SORBS2: variants seen among roughly 807,000 people sequenced by gnomAD.
SORBS2 encodes the protein sorbin and SH3 domain-containing protein 2.
In SORBS2, 46 loss-of-function variants were observed where a neutral mutation model predicts 97.7. That is an observed-to-expected ratio of 0.47 (90% CI 0.37 to 0.60). The LOEUF is 0.60. SORBS2 is among the 20% of genes least tolerant of loss of function. SORBS2 has a pLI of 0.00. For synonymous variants in SORBS2, 476 were observed against 473.4 expected, an observed-to-expected ratio of 1.01 and a Z score of -0.07; for missense variants, 1,316 against 1,282.3, an observed-to-expected ratio of 1.03 and a Z score of -0.40.
intron 1 of SORBS2, among the ~76,000 whole-genome samples, chr4:185,944,182 A>G (rs557851288): frequency 6.6e-6 from 1 of 152,306 alleles, no homozygotes; most frequent in African/African-American, 2.4e-5. Context: ...AAACGCTTAT[A>G]TAGCCAACTA....
chr4:185,939,886 G>A (rs1206986569), intron 1 of SORBS2, among the ~76,000 whole-genome samples: 2 of 152,094 alleles, frequency 1.3e-5, no homozygotes, highest in Non-Finnish European at 2.9e-5. Context: ...TGCCCCCAGT[G>A]AAACCATTCT....
At chr4:185,856,273 G>A (rs774033992) in intron 1 of SORBS2, among the ~76,000 whole-genome samples, 1 of 152,138 alleles carries the variant, frequency 6.6e-6, no homozygotes, top group Non-Finnish European at 1.5e-5. Flanking sequence ...ACAGCTCTAT[G>A]TGACCAGGGC....
chr4:185,842,866 C>T (rs576860987), intron 1 of SORBS2, among the ~76,000 whole-genome samples: 15 of 141,746 alleles, frequency 1.1e-4, no homozygotes, highest in Admixed American at 2.3e-4. Context: ...GCCCAGGAGG[C>T]GGAGGTTGCA....
intron 4 of SORBS2, among the ~76,000 whole-genome samples, chr4:185,668,666 A>G (rs960416562): frequency 1.3e-5 from 2 of 152,254 alleles, no homozygotes; most frequent in Non-Finnish European, 2.9e-5. Context: ...AAGGGGAAGA[A>G]GGCAGTATTT....
At chr4:185,846,943 AATG>A (rs1294093782) in intron 1 of SORBS2, among the ~76,000 whole-genome samples, 3 of 152,176 alleles carry the variant, frequency 2.0e-5, no homozygotes, top group Non-Finnish European at 4.4e-5. Flanking sequence ...GAAAGGAAAG[AATG>A]ATAACACCTT....
chr4:185,809,396 G>A (rs2099169639), intron 1 of SORBS2, among the ~76,000 whole-genome samples: 1 of 133,278 alleles, frequency 7.5e-6, no homozygotes. Context: ...GCGTATGAAA[G>A]CAGCTGTCCT....
intron 1 of SORBS2, among the ~76,000 whole-genome samples, chr4:185,822,069 A>T (rs145455005): frequency 1.2e-4 from 19 of 152,362 alleles, no homozygotes; most frequent in African/African-American, 4.6e-4. Flanking sequence ...GTTGGAAGAG[A>T]TGTTTCAAAT....
chr4:185,603,985 G>A (rs563474935), intron 12 of SORBS2, among the ~76,000 whole-genome samples: 8 of 152,234 alleles, frequency 5.3e-5, no homozygotes, highest in South Asian at 2.1e-4. Flanking sequence ...CCTGCCGATC[G>A]GTGGGAAATG....
chr4:185,627,234 C>T (rs1361587082), intron 5 of SORBS2, among the ~76,000 whole-genome samples: 2 of 152,146 alleles, frequency 1.3e-5, no homozygotes, highest in Non-Finnish European at 2.9e-5. Context: ...TTTGAGATGG[C>T]TTCTGGCTCT....
At chr4:185,868,238 C>T (rs1328780157) in intron 1 of SORBS2, among the ~76,000 whole-genome samples, 4 of 143,942 alleles carry the variant, frequency 2.8e-5, no homozygotes, top group Non-Finnish European at 6.0e-5. Flanking sequence ...CTCACTGCAA[C>T]TTCCGCCTCC....
intron 2 of SORBS2, among the ~76,000 whole-genome samples, chr4:185,725,312 T>C (rs2098547993): frequency 6.6e-6 from 1 of 152,212 alleles, no homozygotes; most frequent in Admixed American, 6.5e-5. Flanking sequence ...TACACTGCTG[T>C]TGGATATTCT....
chr4:185,698,863 T>C (rs554000179), intron 2 of SORBS2, among the ~76,000 whole-genome samples: 1 of 126,076 alleles, frequency 7.9e-6, no homozygotes. Context: ...CCAATAGCCA[T>C]TGATTTTTTT....
intron 12 of SORBS2, among the ~76,000 whole-genome samples, chr4:185,600,908 G>GT (rs60162457): frequency 0.033 from 4,915 of 149,428 alleles, 106 homozygotes; most frequent in Non-Finnish European, 0.04. Flanking sequence ...CTGTTTTGGT[G>GT]TTTTTTTTTT....
chr4:185,764,067 T>C (rs535705211), intron 2 of SORBS2, among the ~76,000 whole-genome samples: 5 of 152,310 alleles, frequency 3.3e-5, no homozygotes, highest in African/African-American at 9.6e-5. Flanking sequence ...ACACGAAATA[T>C]ATAAGCTACA....
chr4:185,643,450 G>A (rs550014539), intron 4 of SORBS2, among the ~76,000 whole-genome samples: 4 of 152,304 alleles, frequency 2.6e-5, no homozygotes, highest in South Asian at 2.1e-4. Context: ...GATTTTGCTC[G>A]AAGGACAGTG....
intron 1 of SORBS2, among the ~76,000 whole-genome samples, chr4:185,922,075 G>C (rs764022534): frequency 2.0e-5 from 3 of 152,190 alleles, no homozygotes; most frequent in Non-Finnish European, 4.4e-5. Context: ...GTGAGCCCCT[G>C]ATTTATTTAC....
intron 1 of SORBS2, among the ~76,000 whole-genome samples, chr4:185,955,792 T>C (rs577111124): frequency 2.6e-5 from 4 of 152,314 alleles, no homozygotes; most frequent in African/African-American, 9.6e-5. Flanking sequence ...ATCAGCAATT[T>C]GGCCTTTTTT....
intron 2 of SORBS2, among the ~76,000 whole-genome samples, chr4:185,702,032 G>A (rs1354473062): frequency 6.6e-6 from 1 of 152,144 alleles, no homozygotes; most frequent in Non-Finnish European, 1.5e-5. Flanking sequence ...GCCTCCCAAA[G>A]TGCTAGGATT....
At chr4:185,708,260 T>C (rs2098375915) in intron 2 of SORBS2, among the ~76,000 whole-genome samples, 1 of 152,226 alleles carries the variant, frequency 6.6e-6, no homozygotes, top group South Asian at 2.1e-4. Flanking sequence ...AAGCATGTCA[T>C]TCCTTAAGTT....
Sources: allele counts gnomAD v4.1 joint callset (sites outside exome capture counted in the v4.1 genomes callset), GRCh38; gene constraint gnomAD v4.1.1; transcripts MANE v1.5; gene names NCBI Gene and HGNC (gene_info 2026-07-23, HGNC 2026-07-21).